HMCN1: variants seen among roughly 807,000 people sequenced by gnomAD.
HMCN1 encodes the protein hemicentin 1.
HMCN1 carries 321 observed loss-of-function variants against 625.9 expected under a neutral mutation model. The ratio of observed to expected loss-of-function variants is 0.51; its 90% confidence interval spans 0.47 to 0.56. The LOEUF is 0.56. Among genes scored for constraint, HMCN1 ranks in the 20% least tolerant of loss-of-function variants. The pLI, the probability that HMCN1 is intolerant of heterozygous loss-of-function variation, is 0.00. For synonymous variants in HMCN1, 2,425 were observed against 2,417.6 expected (o/e 1.00, Z -0.09); for missense variants, 6,588 against 6,887.3 (o/e 0.96, Z 1.54).
At chr1:185,794,095 G>A (rs578252088) in intron 1 of HMCN1, among the ~76,000 whole-genome samples, 30 of 152,154 alleles carry the variant, frequency 2.0e-4, no homozygotes, top group African/African-American at 6.7e-4. Context: ...GAAATGTTAC[G>A]ATTTGTTTCA....
At chr1:186,073,652 A>G (rs1043582888) in intron 52 of HMCN1, among the ~76,000 whole-genome samples, 3 of 152,090 alleles carry the variant, frequency 2.0e-5, no homozygotes, top group African/African-American at 7.2e-5. Flanking sequence ...GAGAGGAGGC[A>G]AAAGAGTTGA....
chr1:185,765,976 C>T (rs1655845006), intron 1 of HMCN1, among the ~76,000 whole-genome samples: 1 of 152,124 alleles, frequency 6.6e-6, no homozygotes, highest in African/African-American at 2.4e-5. Context: ...GATTGTTCAG[C>T]TACTCCTGGG....
intron 45 of HMCN1, among the ~76,000 whole-genome samples, chr1:186,056,871 G>T (rs1440558229): frequency 2.0e-5 from 3 of 151,504 alleles, no homozygotes. Context: ...TAACAAACCT[G>T]CACATGAATC....
Position 185,997,527 on chromosome 1 carries a change from A to G in HMCN1, c.3874+3A>G, listed in dbSNP as rs369898418. On this transcript the variant is annotated splice_donor_region_variant and intron_variant, in intron 25 of 106. Transcript: ENST00000271588. ...TGAATTTCCATGTCCTGCAAAAGGT[A>G]CGTAATACTGAAAGATATAGGCATT... 1.0e-5 allele frequency: 16 copies of G among 1,588,326 alleles called. No homozygotes were observed. In the African/African-American group the frequency reaches 1.9e-4, roughly 19 times the overall value.
rs764866697 is a variant in HMCN1, at chr1:186,019,661, A to T, written c.5591A>T (p.Asp1864Val). The T allele has an allele frequency of 1.2e-6, 2 of 1,612,414 alleles. No homozygotes were observed. The highest frequency in any genetic ancestry group is 1.7e-6 in the Non-Finnish European group (2 of 1,178,756). The change falls in exon 35 of 107, where the codon GAC becomes GTC. Residue 1864 changes from aspartate (D) to valine (V), a missense_variant. Asp to Val is a radical substitution (Grantham distance 152). This residue lies in a region of HMCN1 where 4,628 missense variants were observed against 4,853.1 expected (regional missense o/e 0.95). Coordinates refer to ENST00000271588, the MANE Select transcript of HMCN1 (RefSeq NM_031935.3). The stretch of plus-strand genomic sequence containing the variant: ...CCTTCCATTACATGGTTAAAAGATG[A>T]CCAGCCTGTGAACACTGCCCAAGGA... ...PNPSITWLKD[D>V]QPVNTAQGNL...
At chr1:185,980,028 T>C (rs1651506280) in intron 16 of HMCN1, among the ~76,000 whole-genome samples, 1 of 152,132 alleles carries the variant, frequency 6.6e-6, no homozygotes, top group Non-Finnish European at 1.5e-5. Context: ...TCCTCATGGC[T>C]CCAATACCCT....
chr1:186,001,149 A>T, intron 26 of HMCN1, 149 bp from the exon 27 acceptor site: 1 of 671,740 alleles, frequency 1.5e-6, no homozygotes, highest in Non-Finnish European at 2.5e-6. Flanking sequence ...AAAACTTTTT[A>T]ATTTTATAAC....
chr1:186,136,193 T>G (rs935174967), intron 86 of HMCN1, among the ~76,000 whole-genome samples: 7 of 152,056 alleles, frequency 4.6e-5, no homozygotes, highest in Non-Finnish European at 8.8e-5. Context: ...AAGAATGAGT[T>G]AATGACTCTT....
rs139589167 is a variant in HMCN1 at position 185,933,578 on chromosome 1, A to G, written c.1582A>G (p.Asn528Asp). The change falls in exon 11 of 107, where the codon AAT (asparagine) becomes GAT (aspartate). Residue 528 changes from asparagine (N) to aspartate (D), a missense_variant. Transcript: ENST00000271588. ...CCCTCCGGTCATCCAAGTGCCTAAC[A>G]ATGTTACAGTCACTCCTGGAGAGAG... is the stretch of plus-strand genomic sequence containing the variant. The part of the protein sequence containing the change: ...EPPPVIQVPN[N>D]VTVTPGERAV... 1.2e-5 allele frequency: 19 copies of G among 1,613,852 alleles called. No individual in the cohort carries two copies. The highest frequency in any genetic ancestry group is 1.6e-5 in the Non-Finnish European group (19 of 1,179,936).
intron 11 of HMCN1, among the ~76,000 whole-genome samples, chr1:185,958,726 G>A (rs983611423): frequency 1.3e-5 from 2 of 152,312 alleles, no homozygotes; most frequent in East Asian, 1.9e-4. Context: ...ACACCATGGA[G>A]CAAGCAATGT....
At chr1:186,175,200 A>G (rs960783285) in intron 103 of HMCN1, among the ~76,000 whole-genome samples, 2 of 152,240 alleles carry the variant, frequency 1.3e-5, no homozygotes, top group Admixed American at 1.3e-4. Flanking sequence ...GAAGGCAAAT[A>G]GAAAATATCT....
chr1:186,162,760 T>C (rs1200444515), intron 97 of HMCN1, among the ~76,000 whole-genome samples: 1 of 152,170 alleles, frequency 6.6e-6, no homozygotes, highest in Admixed American at 6.5e-5. Context: ...TGCTGTCTGA[T>C]CGTTCCTCTG....
chr1:185,990,410 A>T lies in HMCN1; in HGVS notation c.3344A>T (p.Lys1115Ile). 1 of 1,614,112 alleles carries T rather than the reference A, an allele frequency of 6.2e-7. No homozygotes were observed. The highest frequency in any genetic ancestry group is 8.5e-7 in the Non-Finnish European group (1 of 1,179,972). The part of the protein sequence containing the change: ...SLPPPIITWA[K>I]ETQLISPFSP... Reference sequence around the variant, plus strand: ...CCTCCACCCATAATTACTTGGGCCAAAGAAACCCAGCTCATCTCACCGTTC... The same window carrying T: ...CCTCCACCCATAATTACTTGGGCCATAGAAACCCAGCTCATCTCACCGTTC... The change falls in exon 22 of 107, where the codon AAA (lysine) becomes ATA (isoleucine). Residue 1115 changes from lysine to isoleucine, a missense_variant. By Grantham distance (102) the Lys-to-Ile change is moderately radical. Transcript: ENST00000271588.
chr1:186,128,846 G>T (rs1486754087), intron 83 of HMCN1, among the ~76,000 whole-genome samples: 1 of 152,028 alleles, frequency 6.6e-6, no homozygotes, highest in Non-Finnish European at 1.5e-5. Context: ...TTTGTCATCA[G>T]CATAAAGACT....
intron 36 of HMCN1, among the ~76,000 whole-genome samples, chr1:186,026,197 T>G (rs955624751): frequency 2.6e-5 from 4 of 152,200 alleles, no homozygotes; most frequent in African/African-American, 9.7e-5. Flanking sequence ...TTAAAAAATG[T>G]AGGAATTTCT....
At chr1:186,122,177 G>A (rs566657481) in intron 80 of HMCN1, among the ~76,000 whole-genome samples, 1 of 152,264 alleles carries the variant, frequency 6.6e-6, no homozygotes, top group East Asian at 1.9e-4. Flanking sequence ...TTCCTCAGAG[G>A]CATGAAAAAT....
chr1:185,921,646 C>T (rs1480035080), intron 6 of HMCN1, among the ~76,000 whole-genome samples: 1 of 152,100 alleles, frequency 6.6e-6, no homozygotes, highest in Non-Finnish European at 1.5e-5. Flanking sequence ...TTCTTTCACT[C>T]CCATCTCCTA....
intron 1 of HMCN1, among the ~76,000 whole-genome samples, chr1:185,747,950 C>T (rs1024520532): frequency 4.6e-5 from 7 of 151,550 alleles, no homozygotes; most frequent in Non-Finnish European, 7.4e-5. Flanking sequence ...AACCTTTATG[C>T]TCTTGCCAAG....
At chr1:185,991,436 G>A (rs868652463) in intron 22 of HMCN1, among the ~76,000 whole-genome samples, 6 of 152,020 alleles carry the variant, frequency 3.9e-5, no homozygotes, top group African/African-American at 1.2e-4. Context: ...AGGGGCAAAC[G>A]CTGCCACAAG....
Sources: gnomAD v4.1 joint callset for allele counts (sites outside exome capture counted in the v4.1 genomes callset) on GRCh38, gnomAD v4.1.1 for gene constraint, gnomAD v4.1.1 regional missense constraint, MANE v1.5 for transcripts, NCBI Gene and HGNC (gene_info 2026-07-23, HGNC 2026-07-21) for gene names.